The following OTUD4 variants were observed in gnomAD, a reference collection of about 807,000 sequenced individuals.
The protein encoded by OTUD4 is OTU deubiquitinase 4, also known as OTU domain-containing protein 4.
OTUD4 carries 24 observed loss-of-function variants against 130.4 expected under a neutral mutation model. The observed-to-expected ratio is 0.18, with a 90% CI of 0.13 to 0.26. The LOEUF (loss-of-function observed/expected upper bound fraction) is 0.26. OTUD4 is among the 10% of genes least tolerant of loss of function. OTUD4 has a pLI of 1.00. For synonymous variants in OTUD4, 420 were observed against 472.5 expected (o/e 0.89, Z 1.44); for missense variants, 1,031 against 1,329.4 (o/e 0.78, Z 3.49).
At chr4:145,157,102 G>A (rs1002884712) in intron 7 of OTUD4, among the ~76,000 whole-genome samples, 6 of 151,872 alleles carry the variant, frequency 4.0e-5, no homozygotes, top group African/African-American at 7.3e-5. Flanking sequence ...GCATTTAAGA[G>A]AACAAAAACT....
At chr4:145,159,046 T>TA (rs1751429223) in intron 7 of OTUD4, 2 of 440,368 alleles carry the variant, frequency 4.5e-6, no homozygotes, top group Non-Finnish European at 6.1e-6. Context: ...ACAGAGGCAT[T>TA]ATCCAGGTGT....
At chr4:145,138,767 A>G (rs1005353584) in intron 20 of OTUD4, 117 bp from the exon 21 acceptor site, 5 of 802,140 alleles carry the variant, frequency 6.2e-6, no homozygotes, top group Non-Finnish European at 7.8e-6. Flanking sequence ...CAAAGACCAT[A>G]TAATCTATAG....
intron 1 of OTUD4, among the ~76,000 whole-genome samples, chr4:145,176,730 G>A (rs1345774465): frequency 6.6e-6 from 1 of 151,948 alleles, no homozygotes; most frequent in African/African-American, 2.4e-5. Context: ...CAATTGAGTG[G>A]TTCTCCCTTT....
At chr4:145,160,332 C>A (rs1751495513) in intron 6 of OTUD4, among the ~76,000 whole-genome samples, 1 of 152,136 alleles carries the variant, frequency 6.6e-6, no homozygotes, top group South Asian at 2.1e-4. Context: ...AAAATATATT[C>A]TCAGCAGCCA....
At chr4:145,144,144 C>T (rs1750712755) in intron 15 of OTUD4, 143 bp from the exon 16 acceptor site, 4 of 1,018,128 alleles carry the variant, frequency 3.9e-6, no homozygotes, top group African/African-American at 3.2e-5. Flanking sequence ...TAGAATAGCA[C>T]TTAACATCCT....
intron 2 of OTUD4, 28 bp downstream of exon 2, chr4:145,174,633 C>CCATT: frequency 7.9e-7 from 1 of 1,271,754 alleles, no homozygotes. Context: ...AGTCAAGACA[C>CCATT]CATTACATGT....
intron 5 of OTUD4, among the ~76,000 whole-genome samples, chr4:145,163,305 T>C (rs1017698280): frequency 2.6e-5 from 4 of 152,210 alleles, no homozygotes; most frequent in African/African-American, 9.6e-5. Context: ...CACAAGTCAC[T>C]TCAATTTGGC....
At chr4:145,138,725 G>T in intron 20 of OTUD4, 75 bp from the exon 21 acceptor site, 1 of 1,345,526 alleles carries the variant, frequency 7.4e-7, no homozygotes, top group Non-Finnish European at 1.0e-6. Context: ...CAATCTACAA[G>T]TACTAGGGTC....
intron 6 of OTUD4, among the ~76,000 whole-genome samples, chr4:145,161,547 C>G (rs1188337182): frequency 1.3e-5 from 2 of 152,188 alleles, no homozygotes; most frequent in East Asian, 3.8e-4. Flanking sequence ...GGAAGGGTCA[C>G]TGCTCTTCTA....
chr4:145,160,849 C>A (rs1485890493), intron 6 of OTUD4, among the ~76,000 whole-genome samples: 1 of 151,624 alleles, frequency 6.6e-6, no homozygotes, highest in African/African-American at 2.4e-5. Flanking sequence ...AGCGCTCATG[C>A]CTGTAATTCC....
intron 1 of OTUD4, among the ~76,000 whole-genome samples, chr4:145,177,372 T>C (rs1752476932): frequency 6.6e-6 from 1 of 152,366 alleles, no homozygotes; most frequent in East Asian, 1.9e-4. Context: ...GAAGCAAAAC[T>C]CTTAGCAACT....
chr4:145,163,810 G>A (rs540096016), intron 5 of OTUD4, among the ~76,000 whole-genome samples: 25 of 150,808 alleles, frequency 1.7e-4, no homozygotes, highest in African/African-American at 5.6e-4. Context: ...AGGTTCAAGC[G>A]ATTCTCCTGC....
intron 7 of OTUD4, chr4:145,159,188 T>G: frequency 9.3e-7 from 1 of 1,071,426 alleles, no homozygotes; most frequent in Non-Finnish European, 1.1e-6. Flanking sequence ...TGTGAACAAT[T>G]GACAAGTTAA....
chr4:145,177,659 C>T (rs1162205065), intron 1 of OTUD4, among the ~76,000 whole-genome samples: 2 of 152,160 alleles, frequency 1.3e-5, no homozygotes, highest in Non-Finnish European at 2.9e-5. Context: ...TTTTTAGCTC[C>T]ATGGCTGTGG....
intron 13 of OTUD4, among the ~76,000 whole-genome samples, chr4:145,149,884 C>A (rs768971681): frequency 6.6e-6 from 1 of 152,188 alleles, no homozygotes; most frequent in Admixed American, 6.5e-5. Context: ...ACATAAGACA[C>A]AGCCTCTCAA....
Position 145,152,568 on chromosome 4 carries a change from G to C in OTUD4, c.941C>G (p.Pro314Arg). 2 of 1,607,712 alleles carry C rather than the reference G, an allele frequency of 1.2e-6. No homozygotes were observed. The highest frequency in any genetic ancestry group is 8.5e-7 in the Non-Finnish European group (1 of 1,174,620). Residue 314 changes from proline to arginine, a missense_variant, in exon 11 of 21, where the codon CCA (proline) becomes CGA (arginine). Pro to Arg is a moderately radical substitution (Grantham distance 103). Transcript: ENST00000447906. ...DVQGIHSENG[P>R]VLVEELGKKH... ...CTTTCCCAGTTCTTCAACCAAAACT[G>C]GTCCATTCTCAGAATGAATTCCTTG...
intron 20 of OTUD4, among the ~76,000 whole-genome samples, chr4:145,139,517 T>C (rs1750455919): frequency 6.6e-6 from 1 of 152,192 alleles, no homozygotes; most frequent in South Asian, 2.1e-4. Flanking sequence ...GTTATTTCCT[T>C]TGATCTTTTC....
At chr4:145,144,720 C>A (rs946683827) in intron 14 of OTUD4, among the ~76,000 whole-genome samples, 4 of 152,062 alleles carry the variant, frequency 2.6e-5, no homozygotes, top group Non-Finnish European at 5.9e-5. Flanking sequence ...CTGAACAAAC[C>A]TTTACCCTAC....
At chr4:145,158,217 C>G (rs1476117577) in intron 7 of OTUD4, among the ~76,000 whole-genome samples, 2 of 152,166 alleles carry the variant, frequency 1.3e-5, no homozygotes, top group Non-Finnish European at 2.9e-5. Context: ...TGGGCAGTGG[C>G]TCACGCCTGT....
Sources: allele counts gnomAD v4.1 joint callset (sites outside exome capture counted in the v4.1 genomes callset), GRCh38; gene constraint gnomAD v4.1.1; transcripts MANE v1.5; gene names NCBI Gene and HGNC (gene_info 2026-07-23, HGNC 2026-07-21).